The following ZNF292 variants were observed in gnomAD, a reference collection of about 807,000 sequenced individuals.
The protein encoded by ZNF292 is zinc finger protein 292, also known as 16 zinc-finger domain protein.
ZNF292 carries 26 observed loss-of-function variants against 217.9 expected under a neutral mutation model. The observed-to-expected ratio is 0.12, with a 90% CI of 0.09 to 0.17. The LOEUF (loss-of-function observed/expected upper bound fraction) is 0.17. ZNF292 is among the 10% of genes least tolerant of loss of function. The probability of loss-of-function intolerance (pLI) is 1.00; values close to 1 mark genes in which losing one functional copy is unlikely to be tolerated. For synonymous variants in ZNF292, 1,257 were observed against 1,124.1 expected (o/e 1.12, Z -2.37); for missense variants, 2,904 against 3,175.2 (o/e 0.91, Z 2.05).
chr6:87,206,211 A>G (rs1414774645), intron 1 of ZNF292, among the ~76,000 whole-genome samples: 2 of 152,230 alleles, frequency 1.3e-5, no homozygotes, highest in African/African-American at 4.8e-5. Context: ...TCTCTTGGTC[A>G]GAACAGGTCA....
At chr6:87,192,735 T>A (rs899421462) in intron 1 of ZNF292, among the ~76,000 whole-genome samples, 1 of 152,250 alleles carries the variant, frequency 6.6e-6, no homozygotes, top group Non-Finnish European at 1.5e-5. Context: ...TGTGAATGTT[T>A]CCATGAGAAT....
chr6:87,205,881 G>C (rs1772237536), intron 1 of ZNF292, among the ~76,000 whole-genome samples: 1 of 151,840 alleles, frequency 6.6e-6, no homozygotes, highest in South Asian at 2.1e-4. Context: ...AATTTAAGTT[G>C]GCTACTTAGT....
chr6:87,205,988 G>C (rs893296055), intron 1 of ZNF292, among the ~76,000 whole-genome samples: 1 of 152,148 alleles, frequency 6.6e-6, no homozygotes, highest in Non-Finnish European at 1.5e-5. Flanking sequence ...CTAAGTATCT[G>C]TTGATCTTGG....
intron 7 of ZNF292, among the ~76,000 whole-genome samples, chr6:87,252,136 G>GT (rs1443632889): frequency 1.4e-5 from 2 of 142,344 alleles, no homozygotes; most frequent in South Asian, 2.2e-4. Flanking sequence ...TCTGTTTGTT[G>GT]TTTGTTTTTT....
rs746800693 is a variant in ZNF292 at position 87,263,559 on chromosome 6, T to C, written c.*1758T>C. On this transcript the variant is annotated 3_prime_UTR_variant, in exon 8 of 8. Transcript: ENST00000369577. ...TTTATTTTTAGGGCCTTTTGGGTTT[T>C]ATTGAATAGTTCATTTCACCTGTTT... 1 of 152,028 alleles carries C rather than the reference T, an allele frequency of 6.6e-6. No individual in the cohort carries two copies. The highest frequency in any genetic ancestry group is 2.4e-5 in the African/African-American group (1 of 41,444). 9.4% of individuals were successfully genotyped at this position (152,028 alleles called of 1,614,324 possible). A position where few individuals can be genotyped will look rare whatever the true frequency, so the allele number is the denominator to read the frequency against.
intron 1 of ZNF292, among the ~76,000 whole-genome samples, chr6:87,204,441 A>G (rs779761412): frequency 1.3e-5 from 2 of 152,002 alleles, no homozygotes; most frequent in African/African-American, 2.4e-5. Context: ...CAAATAGCTT[A>G]GGAAAAAAAT....
rs754904929 is a variant in ZNF292 at position 87,258,311 on chromosome 6, T to C, written c.4682T>C (p.Ile1561Thr). The C allele has an allele frequency of 2.2e-5, 35 of 1,613,430 alleles. No homozygotes were observed. Among genetic ancestry groups the C allele is most frequent in the Non-Finnish European group, 2.5e-5 (30 of 1,179,740 alleles). Residue 1561 changes from isoleucine to threonine, a missense_variant, in exon 8 of 8, where the codon ATT (isoleucine) becomes ACT (threonine). Around this residue, in one of 15 missense-constraint regions of ZNF292, gnomAD observed 622 missense variants for 573.1 expected, o/e 1.09. Transcript: ENST00000369577. Reference sequence around the variant, plus strand: ...ACGTCAAACTCCAAAACTTCCTCCATTGAGGAATGTAGCAGCTTGCCTGTT... The same window carrying C: ...ACGTCAAACTCCAAAACTTCCTCCACTGAGGAATGTAGCAGCTTGCCTGTT... ...NRTSNSKTSS[I>T]EECSSLPVFP...
chr6:87,245,165 C>T (rs1016986522), intron 6 of ZNF292, among the ~76,000 whole-genome samples: 4 of 151,850 alleles, frequency 2.6e-5, no homozygotes, highest in African/African-American at 7.3e-5. Flanking sequence ...CGCTTGAACC[C>T]GGGAGGCAAG....
At chr6:87,218,928 A>G (rs1324163351) in intron 4 of ZNF292, among the ~76,000 whole-genome samples, 197 bp downstream of exon 4, 1 of 152,202 alleles carries the variant, frequency 6.6e-6, no homozygotes, top group Non-Finnish European at 1.5e-5. Flanking sequence ...AGAATCATAG[A>G]TTAACAGATA....
chr6:87,166,557 C>T (rs917021937), intron 1 of ZNF292, among the ~76,000 whole-genome samples: 9 of 152,182 alleles, frequency 5.9e-5, no homozygotes, highest in Admixed American at 3.3e-4. Context: ...TCTACCTGTA[C>T]CTTAAAGCCC....
At chr6:87,156,030 C>G (rs1770520057) in intron 1 of ZNF292, among the ~76,000 whole-genome samples, 1 of 152,252 alleles carries the variant, frequency 6.6e-6, no homozygotes, top group African/African-American at 2.4e-5. Context: ...ACTGCGCGGT[C>G]CCCGCGGCTG....
At position 87,183,803 on chromosome 6, in the gene ZNF292, A is replaced by G. The variant is rs548402927; in HGVS notation, c.168+28044A>G. Among the ~76,000 whole-genome samples, 6 of 152,312 alleles carry G rather than the reference A, an allele frequency of 3.9e-5. No individual in the cohort carries two copies. The East Asian group carries it at 9.6e-4, about 24-fold the overall frequency. Reference sequence around the variant, plus strand: ...GTCACAAAGTGAAATGTGTAAATACATATCACTATGGTTGGTAATTGTATA... The same window carrying G: ...GTCACAAAGTGAAATGTGTAAATACGTATCACTATGGTTGGTAATTGTATA... On this transcript the variant is annotated intron_variant, in intron 1 of 7. Coordinates refer to ENST00000369577, the MANE Select transcript of ZNF292 (RefSeq NM_015021.3).
At chr6:87,167,032 A>G (rs986665419) in intron 1 of ZNF292, among the ~76,000 whole-genome samples, 1 of 152,208 alleles carries the variant, frequency 6.6e-6, no homozygotes, top group Non-Finnish European at 1.5e-5. Flanking sequence ...TTCTATTGTT[A>G]AAGAGTTACT....
intron 4 of ZNF292, among the ~76,000 whole-genome samples, chr6:87,219,579 C>T (rs928854261): frequency 6.6e-6 from 1 of 152,100 alleles, no homozygotes; most frequent in Non-Finnish European, 1.5e-5. Flanking sequence ...TCTTCTGGTA[C>T]TTTGATGTTT....
Position 87,164,810 on chromosome 6 carries a change from T to C in ZNF292, c.168+9051T>C, listed in dbSNP as rs568316627. Among the ~76,000 whole-genome samples the C allele has an allele frequency of 2.5e-4, 31 of 124,416 alleles. No homozygotes were observed. In the East Asian group the frequency reaches 6.5e-3, roughly 26 times the overall value. The allele number at this position is 124,416 out of a possible 152,430, so 81.6% of individuals were successfully genotyped here. ...TGGAGTCTTGCTCTGTCGCACAGGC[T>C]GGAGTGCAGTGGGGTGATCTCGACT... is the stretch of plus-strand genomic sequence containing the variant. On this transcript the variant is annotated intron_variant, in intron 1 of 7. Coordinates refer to ENST00000369577, the MANE Select transcript of ZNF292 (RefSeq NM_015021.3).
intron 5 of ZNF292, among the ~76,000 whole-genome samples, chr6:87,241,417 ATTTTTTT>A (rs34271239): frequency 8.0e-6 from 1 of 124,676 alleles, no homozygotes; most frequent in Non-Finnish European, 1.7e-5. Context: ...AAGAGCTTGG[ATTTTTTT>A]TTTTTTTTTT....
Position 87,261,444 on chromosome 6 carries a change from G to T in ZNF292, c.7815G>T (p.Lys2605Asn). ...FLKFLEESAV[K>N]QKKNTDKDHP... ...AGTTTCTTGAGGAGTCTGCAGTGAAGCAGAAGAAAAATACTGACAAAGACC... is the reference window on the plus strand; with the variant it reads ...AGTTTCTTGAGGAGTCTGCAGTGAATCAGAAGAAAAATACTGACAAAGACC... Residue 2605 changes from lysine (K) to asparagine (N), a missense_variant, in exon 8 of 8, where the codon AAG (lysine) becomes AAT (asparagine). Transcript: ENST00000369577. The T allele has an allele frequency of 1.2e-6, 2 of 1,606,722 alleles. No individual in the cohort carries two copies. The highest frequency in any genetic ancestry group is 1.1e-5 in the South Asian group (1 of 90,170).
intron 1 of ZNF292, among the ~76,000 whole-genome samples, chr6:87,164,951 G>A (rs1430512354): frequency 4.1e-5 from 6 of 145,858 alleles, no homozygotes. Flanking sequence ...TTTGGTAAGA[G>A]ATGGGGTTTC....
At chr6:87,191,733 C>G (rs1414373248) in intron 1 of ZNF292, among the ~76,000 whole-genome samples, 1 of 152,166 alleles carries the variant, frequency 6.6e-6, no homozygotes, top group African/African-American at 2.4e-5. Flanking sequence ...GTGGTGCAAG[C>G]TCGACTCACT....
Sources: gnomAD v4.1 joint callset for allele counts (sites outside exome capture counted in the v4.1 genomes callset) on GRCh38, gnomAD v4.1.1 for gene constraint, gnomAD v4.1.1 regional missense constraint, MANE v1.5 for transcripts, NCBI Gene and HGNC (gene_info 2026-07-23, HGNC 2026-07-21) for gene names.